The following MYO5B variants were observed in gnomAD, a reference collection of about 807,000 sequenced individuals.
The protein encoded by MYO5B is myosin VB, also known as unconventional myosin-Vb.
MYO5B carries 143 observed loss-of-function variants against 229.3 expected under a neutral mutation model. The observed-to-expected ratio is 0.62, with a 90% CI of 0.54 to 0.72. MYO5B has a LOEUF of 0.72. Ranked by LOEUF, MYO5B falls within the 30% of genes least tolerant of loss-of-function variation. MYO5B has a pLI of 0.00. For missense variants in MYO5B, 2,321 were observed against 2,331.0 expected (o/e 1.00, Z 0.09); for synonymous variants, 918 against 885.2 (o/e 1.04, Z -0.66).
chr18:50,047,950 G>A (rs1159288823), intron 2 of MYO5B, among the ~76,000 whole-genome samples: 1 of 109,004 alleles, frequency 9.2e-6, no homozygotes, highest in Admixed American at 1.1e-4. Flanking sequence ...GGGGTGGGGG[G>A]AGGGGGGAGG....
intron 1 of MYO5B, among the ~76,000 whole-genome samples, chr18:50,133,894 C>A (rs532676350): frequency 6.6e-6 from 1 of 152,100 alleles, no homozygotes; most frequent in African/African-American, 2.4e-5. Context: ...CAAAAGGGAG[C>A]AATCTTTGAG....
intron 1 of MYO5B, among the ~76,000 whole-genome samples, chr18:50,099,709 C>T (rs926271235): frequency 2.0e-5 from 3 of 152,174 alleles, no homozygotes; most frequent in African/African-American, 7.2e-5. Flanking sequence ...TGAAGTTCCA[C>T]ATAATTTCAG....
intron 25 of MYO5B, 54 bp from the exon 26 acceptor site, chr18:49,875,881 G>A: frequency 1.9e-6 from 3 of 1,604,634 alleles, no homozygotes; most frequent in Non-Finnish European, 2.6e-6. Context: ...ATGCCTTAGG[G>A]AACACACAGC....
At chr18:50,186,209 A>G (rs961250840) in intron 1 of MYO5B, among the ~76,000 whole-genome samples, 1 of 152,198 alleles carries the variant, frequency 6.6e-6, no homozygotes, top group African/African-American at 2.4e-5. Context: ...GCCTCATCGC[A>G]AGTGCTCAGC....
At chr18:50,057,409 G>A (rs1462916127) in intron 1 of MYO5B, among the ~76,000 whole-genome samples, 2 of 152,256 alleles carry the variant, frequency 1.3e-5, no homozygotes, top group East Asian at 1.9e-4. Context: ...ATAACAGAAT[G>A]AGGAATAACC....
At chr18:50,081,827 T>C (rs961708584) in intron 1 of MYO5B, among the ~76,000 whole-genome samples, 6 of 152,168 alleles carry the variant, frequency 3.9e-5, no homozygotes, top group South Asian at 2.1e-4. Context: ...CACAATTGTA[T>C]ACAAAAAGAC....
chr18:50,102,077 T>C (rs963179652), intron 1 of MYO5B, among the ~76,000 whole-genome samples: 1 of 152,104 alleles, frequency 6.6e-6, no homozygotes, highest in East Asian at 1.9e-4. Context: ...ATCATGTCCT[T>C]GGGTGAAGGA....
chr18:49,984,726 G>C lies in MYO5B; in HGVS notation c.938C>G (p.Thr313Arg). Reference protein sequence around the residue: ...EDFEKTRQAFTLLGVKESHQM... With the variant: ...EDFEKTRQAFRLLGVKESHQM... ...ACTAAGAAGCTCCTTACCGAGGAGT[G>C]TGAAGGCTTGTCGAGTCTTCTCAAA... Residue 313 changes from threonine to arginine, a missense_variant, in exon 8 of 40, where the codon ACA (threonine) becomes AGA (arginine). By Grantham distance (71) the Thr-to-Arg change is moderately conservative. This residue lies in a region of MYO5B where 2,113 missense variants were observed against 2,044.7 expected (regional missense o/e 1.03). Coordinates refer to ENST00000285039, the MANE Select transcript of MYO5B (RefSeq NM_001080467.3). 1 of 1,609,674 alleles carries C rather than the reference G, an allele frequency of 6.2e-7. No homozygotes were observed. Among genetic ancestry groups the C allele is most frequent in the Non-Finnish European group, 8.5e-7 (1 of 1,175,904 alleles).
intron 7 of MYO5B, among the ~76,000 whole-genome samples, chr18:49,988,968 C>T (rs145958878): frequency 0.019 from 2,834 of 152,298 alleles, 38 homozygotes; most frequent in Non-Finnish European, 0.03. Context: ...TGGACATCAG[C>T]CAGAGTTTTC....
At chr18:49,974,765 C>A (rs2025727728) in intron 9 of MYO5B, 150 bp from the exon 10 acceptor site, 1 of 365,980 alleles carries the variant, frequency 2.7e-6, no homozygotes, top group African/African-American at 3.5e-5. Context: ...CTGCTGCCAG[C>A]CCAGCAGTCT....
intron 14 of MYO5B, among the ~76,000 whole-genome samples, chr18:49,942,362 T>C (rs1479136104): frequency 4.8e-5 from 4 of 84,018 alleles, no homozygotes; most frequent in Non-Finnish European, 8.8e-5. Context: ...CTAATTAAAC[T>C]AAAGAGCTTC....
chr18:49,883,968 A>C (rs535890595), intron 22 of MYO5B, among the ~76,000 whole-genome samples: 1 of 152,254 alleles, frequency 6.6e-6, no homozygotes, highest in Non-Finnish European at 1.5e-5. Context: ...CTCAAAATGC[A>C]TTAAAGACTT....
chr18:50,064,311 C>G (rs185061552), intron 1 of MYO5B: 106 of 152,438 alleles, frequency 7.0e-4, no homozygotes, highest in African/African-American at 2.5e-3. Flanking sequence ...CTTTTTAAGG[C>G]TGCAATGCTG....
chr18:50,056,950 C>T (rs999296864), intron 1 of MYO5B, among the ~76,000 whole-genome samples: 3 of 152,198 alleles, frequency 2.0e-5, no homozygotes, highest in African/African-American at 7.2e-5. Flanking sequence ...GAAACAAATT[C>T]ACAGAATCTT....
At chr18:50,066,348 T>G (rs2030819723) in intron 1 of MYO5B, among the ~76,000 whole-genome samples, 1 of 152,192 alleles carries the variant, frequency 6.6e-6, no homozygotes, top group Non-Finnish European at 1.5e-5. Context: ...CTTTTTTATT[T>G]GGTACTTGTA....
intron 9 of MYO5B, 113 bp from the exon 10 acceptor site, chr18:49,974,728 C>CA: frequency 7.9e-7 from 1 of 1,265,122 alleles, no homozygotes; most frequent in Non-Finnish European, 1.1e-6. Context: ...CAAGGCCTCC[C>CA]AGCCCTCCAG....
At chr18:50,164,617 C>CAT (rs1487557493) in intron 1 of MYO5B, among the ~76,000 whole-genome samples, 1 of 151,766 alleles carries the variant, frequency 6.6e-6, no homozygotes, top group Admixed American at 6.6e-5. Flanking sequence ...TGTCAGGATA[C>CAT]ATGTGCAAGA....
intron 4 of MYO5B, among the ~76,000 whole-genome samples, chr18:50,006,357 G>A (rs1598947346): frequency 6.6e-6 from 1 of 152,274 alleles, no homozygotes; most frequent in South Asian, 2.1e-4. Flanking sequence ...CACCTCTCCT[G>A]AGCCCAGTGA....
chr18:50,029,015 C>A lies in MYO5B; in HGVS notation c.455+7835G>T, dbSNP rs73444757. Among the ~76,000 whole-genome samples, 1,407 of 152,288 alleles carry A rather than the reference C, an allele frequency of 9.2e-3. 20 individuals are homozygous for A. Among genetic ancestry groups the A allele is most frequent in the African/African-American group, 0.032 (1,341 of 41,580 alleles). ...AATGCATAATTTTAAAAGGAGATGG[C>A]AATATCCATTTACTATCAGTTTCTT... On this transcript the variant is annotated intron_variant, in intron 4 of 39. Coordinates refer to ENST00000285039, the MANE Select transcript of MYO5B (RefSeq NM_001080467.3).
Sources: gnomAD v4.1 joint callset for allele counts (sites outside exome capture counted in the v4.1 genomes callset) on GRCh38, gnomAD v4.1.1 for gene constraint, gnomAD v4.1.1 regional missense constraint, MANE v1.5 for transcripts, NCBI Gene and HGNC (gene_info 2026-07-23, HGNC 2026-07-21) for gene names.